TMEM38B: variants seen among roughly 807,000 people sequenced by gnomAD.
TMEM38B encodes the protein trimeric intracellular cation channel type B.
In TMEM38B, 24 loss-of-function variants were observed where a neutral mutation model predicts 28.7. That is an observed-to-expected ratio of 0.84 (90% CI 0.61 to 1.18). TMEM38B has a LOEUF of 1.18. Ranked by LOEUF, TMEM38B falls within the 50% of genes most tolerant of loss-of-function variation. The probability of loss-of-function intolerance (pLI) is 0.00; values close to 1 mark genes in which losing one functional copy is unlikely to be tolerated. For synonymous variants in TMEM38B, 131 were observed against 127.7 expected (o/e 1.03, Z -0.17); for missense variants, 380 against 350.9 (o/e 1.08, Z -0.66).
chr9:105,740,711 TAG>T (rs1192675796), intron 4 of TMEM38B, among the ~76,000 whole-genome samples: 1 of 152,196 alleles, frequency 6.6e-6, no homozygotes, highest in Non-Finnish European at 1.5e-5. Context: ...GTAACTCTTT[TAG>T]AGTGTTTTCC....
At chr9:105,745,090 T>C (rs992570454) in intron 4 of TMEM38B, among the ~76,000 whole-genome samples, 2 of 152,232 alleles carry the variant, frequency 1.3e-5, no homozygotes, top group African/African-American at 4.8e-5. Flanking sequence ...TATAATCCTT[T>C]GAGTATATAC....
intron 5 of TMEM38B, among the ~76,000 whole-genome samples, chr9:105,773,146 T>C (rs576573158): frequency 6.6e-6 from 1 of 152,296 alleles, no homozygotes; most frequent in Admixed American, 6.5e-5. Flanking sequence ...CAGATTTATT[T>C]TGGCATTAGC....
intron 2 of TMEM38B, among the ~76,000 whole-genome samples, chr9:105,706,589 A>G (rs1046747935): frequency 5.3e-5 from 8 of 152,240 alleles, no homozygotes; most frequent in African/African-American, 1.7e-4. Flanking sequence ...TAGCTGTGTC[A>G]AAAGAAAAAC....
At chr9:105,771,400 G>C (rs1826538707) in intron 5 of TMEM38B, among the ~76,000 whole-genome samples, 1 of 152,120 alleles carries the variant, frequency 6.6e-6, no homozygotes, top group Non-Finnish European at 1.5e-5. Flanking sequence ...TCTCAACTGA[G>C]TGATGAGTCT....
At chr9:105,710,627 C>T in intron 2 of TMEM38B, 1 of 751,974 alleles carries the variant, frequency 1.3e-6, no homozygotes. Flanking sequence ...AGCAAATCCT[C>T]TCTTGGATGG....
chr9:105,774,087 G>C lies in TMEM38B; in HGVS notation c.*7G>C. ...TACTAAGAAGAATGAATAAATTTAC[G>C]TGATGAGCTCTACAAGGCCAAAAAT... is the stretch of plus-strand genomic sequence containing the variant. On this transcript the variant is annotated 3_prime_UTR_variant, in exon 6 of 6. Coordinates refer to ENST00000374692, the MANE Select transcript of TMEM38B (RefSeq NM_018112.3). 6.2e-7 allele frequency: 1 copy of C among 1,612,590 alleles called. No homozygotes were observed. Among genetic ancestry groups the C allele is most frequent in the South Asian group, 1.1e-5 (1 of 90,962 alleles).
intron 2 of TMEM38B, among the ~76,000 whole-genome samples, chr9:105,718,664 G>T (rs1836200615): frequency 6.6e-6 from 1 of 152,178 alleles, no homozygotes; most frequent in South Asian, 2.1e-4. Flanking sequence ...CTGGCAAAGA[G>T]AAACAATAAC....
chr9:105,729,838 T>A (rs888880868), intron 4 of TMEM38B, among the ~76,000 whole-genome samples: 2 of 152,114 alleles, frequency 1.3e-5, no homozygotes, highest in Non-Finnish European at 2.9e-5. Flanking sequence ...ATTCTCTTTG[T>A]AGTAATTGTG....
At chr9:105,772,487 T>C (rs572689902) in intron 5 of TMEM38B, among the ~76,000 whole-genome samples, 13 of 152,138 alleles carry the variant, frequency 8.5e-5, no homozygotes, top group East Asian at 3.8e-4. Flanking sequence ...TTTATTCAGC[T>C]TTTTTTCTCT....
chr9:105,739,209 A>G (rs563763877), intron 4 of TMEM38B, among the ~76,000 whole-genome samples: 4 of 151,664 alleles, frequency 2.6e-5, no homozygotes, highest in African/African-American at 7.2e-5. Context: ...TCCATTGTCT[A>G]TATGTTTATC....
intron 2 of TMEM38B, among the ~76,000 whole-genome samples, chr9:105,719,335 T>C (rs1836236044): frequency 6.6e-6 from 1 of 152,222 alleles, no homozygotes; most frequent in Non-Finnish European, 1.5e-5. Context: ...ATGTTTTCTT[T>C]AGGCACTTTA....
rs756150482 is a variant in TMEM38B at position 105,760,661 on chromosome 9, C to T, written c.660+12471C>T. On this transcript the variant is annotated intron_variant, in intron 5 of 5. Coordinates refer to ENST00000374692, the MANE Select transcript of TMEM38B (RefSeq NM_018112.3). ...ATATATCAGAAAAGATTTCCAACCA[C>T]GGAGATTGAAGCAGCACTTTTTGGT... The T allele has an allele frequency of 3.5e-4, 336 of 948,478 alleles. 1 individual carries two copies. Among genetic ancestry groups the T allele is most frequent in the Middle Eastern group, 3.2e-4 (1 of 3,164 alleles). 58.8% of individuals were successfully genotyped at this position (948,478 alleles called of 1,614,324 possible).
chr9:105,742,195 A>T (rs1419987039), intron 4 of TMEM38B, among the ~76,000 whole-genome samples: 2 of 152,188 alleles, frequency 1.3e-5, no homozygotes, highest in African/African-American at 4.8e-5. Context: ...CTGCAAACAT[A>T]TGCTTGAAAA....
chr9:105,727,724 C>G (rs1485908263), intron 4 of TMEM38B, among the ~76,000 whole-genome samples: 1 of 152,122 alleles, frequency 6.6e-6, no homozygotes, highest in Non-Finnish European at 1.5e-5. Flanking sequence ...TGTTTGTCCC[C>G]TCCAGTTCAT....
chr9:105,746,107 A>G (rs937640275), intron 4 of TMEM38B, among the ~76,000 whole-genome samples: 11 of 152,126 alleles, frequency 7.2e-5, no homozygotes, highest in African/African-American at 2.4e-4. Context: ...GTTTTTTCCA[A>G]TTCTGTGGAG....
chr9:105,719,946 C>T (rs1836262043), intron 2 of TMEM38B, among the ~76,000 whole-genome samples: 2 of 151,866 alleles, frequency 1.3e-5, no homozygotes, highest in East Asian at 1.9e-4. Context: ...GTATACTTTT[C>T]CCCCATTACC....
intron 2 of TMEM38B, among the ~76,000 whole-genome samples, chr9:105,714,188 A>C (rs1333437892): frequency 6.6e-6 from 1 of 152,072 alleles, no homozygotes. Flanking sequence ...ACCTGCTTGC[A>C]GAGAGGAGCC....
intron 5 of TMEM38B, among the ~76,000 whole-genome samples, chr9:105,765,153 T>C (rs536498072): frequency 1.3e-5 from 2 of 152,352 alleles, no homozygotes; most frequent in Non-Finnish European, 2.9e-5. Context: ...ATTTGTATGC[T>C]GAAACTTTTT....
At chr9:105,758,351 C>G in intron 5 of TMEM38B, 1 of 967,698 alleles carries the variant, frequency 1.0e-6, no homozygotes, top group Admixed American at 1.7e-5. Context: ...GTATGGCGAT[C>G]TTACATGGAT....
Sources: gnomAD v4.1 joint callset for allele counts (sites outside exome capture counted in the v4.1 genomes callset) on GRCh38, gnomAD v4.1.1 for gene constraint, MANE v1.5 for transcripts, NCBI Gene and HGNC (gene_info 2026-07-23, HGNC 2026-07-21) for gene names.